Variants in MSH3 observed in about 807,000 individuals in gnomAD.
MSH3 encodes DNA mismatch repair protein Msh3.
Under a neutral mutation model 123.3 loss-of-function variants are expected in MSH3, and 106 were observed. The ratio of observed to expected loss-of-function variants is 0.86; its 90% confidence interval spans 0.73 to 1.01. MSH3 has a LOEUF of 1.01. Among genes scored for constraint, MSH3 ranks in the 50% least tolerant of loss-of-function variants. The pLI is 0.00. For missense variants in MSH3, 1,459 were observed against 1,347.6 expected (o/e 1.08, Z -1.29); for synonymous variants, 515 against 481.4 (o/e 1.07, Z -0.91).
At chr5:80,751,057 T>C (rs1454909551) in intron 12 of MSH3, among the ~76,000 whole-genome samples, 7 of 152,206 alleles carry the variant, frequency 4.6e-5, no homozygotes, top group Non-Finnish European at 8.8e-5. Context: ...TTACATTATC[T>C]GTACAAGGGG....
chr5:80,678,751 G>A lies in MSH3; in HGVS notation c.1174-176G>A, dbSNP rs836808. Among the ~76,000 whole-genome samples, 38,204 of 152,022 alleles carry A rather than the reference G, an allele frequency of 0.25. 4,901 individuals carry two copies. Among genetic ancestry groups the A allele is most frequent in the Middle Eastern group, 0.32 (95 of 294 alleles). On this transcript the variant is annotated intron_variant, in intron 7 of 23. Transcript: ENST00000265081. ...TATAGTATCATTTAGATATCTGTGAGTCTGACTCTTCGTGTAAGAGTCCTG... is the reference window on the plus strand; with the variant it reads ...TATAGTATCATTTAGATATCTGTGAATCTGACTCTTCGTGTAAGAGTCCTG...
At chr5:80,849,905 C>T (rs1580088971) in intron 20 of MSH3, among the ~76,000 whole-genome samples, 1 of 152,254 alleles carries the variant, frequency 6.6e-6, no homozygotes, top group East Asian at 1.9e-4. Context: ...TCTTTTCTAT[C>T]ACACTGTCAG....
At chr5:80,751,276 C>T (rs1277910125) in intron 12 of MSH3, among the ~76,000 whole-genome samples, 1 of 152,168 alleles carries the variant, frequency 6.6e-6, no homozygotes, top group Non-Finnish European at 1.5e-5. Context: ...CGAGAACAAA[C>T]ACCATATTTA....
At chr5:80,766,517 G>A (rs2112883405) in intron 13 of MSH3, among the ~76,000 whole-genome samples, 1 of 151,744 alleles carries the variant, frequency 6.6e-6, no homozygotes, top group East Asian at 1.9e-4. Context: ...GCTAATTTTT[G>A]TATTTTTAGT....
intron 8 of MSH3, among the ~76,000 whole-genome samples, chr5:80,723,140 C>G (rs1368085662): frequency 1.6e-5 from 2 of 124,490 alleles, no homozygotes; most frequent in African/African-American, 5.8e-5. Flanking sequence ...TAAAGTAATC[C>G]CAGTAAGTTT....
chr5:80,726,207 A>G (rs1197010304), intron 9 of MSH3, among the ~76,000 whole-genome samples: 2 of 152,148 alleles, frequency 1.3e-5, no homozygotes, highest in Non-Finnish European at 2.9e-5. Flanking sequence ...GTTAGGGTCC[A>G]TTTTGTGGAT....
At chr5:80,791,670 A>G (rs1453337641) in intron 18 of MSH3, among the ~76,000 whole-genome samples, 2 of 152,218 alleles carry the variant, frequency 1.3e-5, no homozygotes, top group Non-Finnish European at 2.9e-5. Flanking sequence ...TTAAAGGAAT[A>G]TATTAAATCC....
At chr5:80,780,486 C>T (rs1229057997) in intron 17 of MSH3, among the ~76,000 whole-genome samples, 1 of 152,192 alleles carries the variant, frequency 6.6e-6, no homozygotes, top group Non-Finnish European at 1.5e-5. Flanking sequence ...CCCAGCCATC[C>T]GGCAGCCAGA....
Position 80,769,001 on chromosome 5 carries a change from G to A in MSH3, c.2251G>A (p.Glu751Lys), listed in dbSNP as rs1744171962. Residue 751 changes from glutamate to lysine, a missense_variant and splice_region_variant, in exon 15 of 24, where the codon GAG (glutamate) becomes AAG (lysine). Physicochemically the swap from Glu to Lys is moderately conservative, Grantham distance 56. Transcript: ENST00000265081. ...ACAATATGTGACAGTATCAGGACAG[G>A]AGGTAATGTCAAGCTTACTTTTATT... ...SAQYVTVSGQEFMIEIKNSAV... is the reference protein window; with the variant it reads ...SAQYVTVSGQKFMIEIKNSAV... 1.2e-6 allele frequency: 2 copies of A among 1,611,928 alleles called. No homozygotes were observed. Among genetic ancestry groups the A allele is most frequent in the Non-Finnish European group, 1.7e-6 (2 of 1,178,594 alleles).
intron 15 of MSH3, among the ~76,000 whole-genome samples, 164 bp downstream of exon 15, chr5:80,769,167 T>C (rs999886092): frequency 6.6e-6 from 1 of 152,118 alleles, no homozygotes; most frequent in East Asian, 1.9e-4. Flanking sequence ...AAGAGTTATT[T>C]TAATGATAGT....
Position 80,846,322 on chromosome 5 carries a change from C to T in MSH3, c.2814-7808C>T, listed in dbSNP as rs376761441. Among the ~76,000 whole-genome samples the T allele has an allele frequency of 4.6e-5, 7 of 151,870 alleles. No homozygotes were observed. In the South Asian group the frequency reaches 1.3e-3, roughly 27 times the overall value. On this transcript the variant is annotated intron_variant, in intron 20 of 23. Transcript: ENST00000265081. Reference sequence around the variant, plus strand: ...GCCTGTTTGAGGTGTCTGTCGGTCCCTACTGGGAGGTGTCTCCCAGTCAGG... The same window carrying T: ...GCCTGTTTGAGGTGTCTGTCGGTCCTTACTGGGAGGTGTCTCCCAGTCAGG...
At chr5:80,678,867 T>C (rs1171993453) in intron 7 of MSH3, 60 bp from the exon 8 acceptor site, 1 of 1,578,364 alleles carries the variant, frequency 6.3e-7, no homozygotes, top group African/African-American at 1.3e-5. Context: ...TATGCTGTGT[T>C]ATAGCCATAA....
rs534000682 is a variant in MSH3, at chr5:80,680,789, G to A, written c.1340+1696G>A. The stretch of plus-strand genomic sequence containing the variant: ...TTGAAGCAAATCCTAGGGAGCATCA[G>A]TTTATCCTCTAATATTTCAGTAGGT... On this transcript the variant is annotated intron_variant, in intron 8 of 23. Coordinates refer to ENST00000265081, the MANE Select transcript of MSH3 (RefSeq NM_002439.5). 2.6e-5 allele frequency among the ~76,000 whole-genome samples: 4 copies of A among 151,958 alleles called. No individual in the cohort carries two copies. The South Asian group carries it at 8.3e-4, about 32-fold the overall frequency.
At chr5:80,786,688 A>G (rs551423388) in intron 17 of MSH3, among the ~76,000 whole-genome samples, 204 of 152,310 alleles carry the variant, frequency 1.3e-3, no homozygotes, top group African/African-American at 4.6e-3. Context: ...TAGTTTAATT[A>G]TGTACACTTC....
chr5:80,835,818 G>A (rs1745498666), intron 20 of MSH3, among the ~76,000 whole-genome samples: 1 of 152,054 alleles, frequency 6.6e-6, no homozygotes, highest in African/African-American at 2.4e-5. Context: ...GGGAGGCTGA[G>A]GCACGAGAAT....
Position 80,860,124 on chromosome 5 carries a change from AT to A in MSH3, c.3001-4688del, listed in dbSNP as rs397842247. The stretch of plus-strand genomic sequence containing the variant: ...AGTGTACATAAGCATATATATATAT[AT>A]AAACATACATAATCGCATACACTGT... On this transcript the variant is annotated intron_variant, in intron 21 of 23. Coordinates refer to ENST00000265081, the MANE Select transcript of MSH3 (RefSeq NM_002439.5). Among the ~76,000 whole-genome samples, 5 of 152,156 alleles carry A rather than the reference AT, an allele frequency of 3.3e-5. No homozygotes were observed. In the South Asian group the frequency reaches 6.2e-4, roughly 19 times the overall value.
chr5:80,772,473 A>G (rs1371849692), intron 15 of MSH3, among the ~76,000 whole-genome samples: 1 of 152,148 alleles, frequency 6.6e-6, no homozygotes, highest in Non-Finnish European at 1.5e-5. Flanking sequence ...CACAGGCTAT[A>G]TAGATTGAAT....
At chr5:80,802,391 G>T (rs977063842) in intron 19 of MSH3, among the ~76,000 whole-genome samples, 10 of 150,524 alleles carry the variant, frequency 6.6e-5, no homozygotes. Flanking sequence ...TCCTGCCATG[G>T]TACCTCACAG....
intron 8 of MSH3, among the ~76,000 whole-genome samples, chr5:80,720,789 C>A (rs1347874717): frequency 1.3e-5 from 2 of 151,844 alleles, no homozygotes; most frequent in East Asian, 3.9e-4. Context: ...TATGCAAATT[C>A]ATTTTCCCAA....
Sources: gnomAD v4.1 joint callset for allele counts (sites outside exome capture counted in the v4.1 genomes callset) on GRCh38, gnomAD v4.1.1 for gene constraint, MANE v1.5 for transcripts, NCBI Gene and HGNC (gene_info 2026-07-23, HGNC 2026-07-21) for gene names.